The following SPATA16 variants were observed in gnomAD, a reference collection of about 807,000 sequenced individuals.
SPATA16 encodes the protein spermatogenesis associated 16, also known as spermatogenesis-associated protein 16.
SPATA16 carries 36 observed loss-of-function variants against 63.3 expected under a neutral mutation model. The observed-to-expected ratio is 0.57, with a 90% CI of 0.44 to 0.75. The LOEUF (loss-of-function observed/expected upper bound fraction) is 0.75, where lower values mean the gene tolerates loss of function less well. Among genes scored for constraint, SPATA16 ranks in the 30% least tolerant of loss-of-function variants. The pLI is 0.00. For missense variants in SPATA16, 646 were observed against 679.3 expected (o/e 0.95, Z 0.54); for synonymous variants, 203 against 216.7 (o/e 0.94, Z 0.56).
chr3:173,068,395 GT>G (rs1377720085), intron 2 of SPATA16, among the ~76,000 whole-genome samples: 1 of 152,062 alleles, frequency 6.6e-6, no homozygotes, highest in Non-Finnish European at 1.5e-5. Context: ...TTGCTTCTTT[GT>G]TTTTTCTTTT....
intron 2 of SPATA16, among the ~76,000 whole-genome samples, chr3:173,088,078 C>CTT (rs1205350840): frequency 4.1e-5 from 3 of 73,918 alleles, no homozygotes; most frequent in Non-Finnish European, 5.7e-5. Context: ...TTCTTTCTTT[C>CTT]TGTCTTTTCT....
Position 172,949,335 on chromosome 3 carries a change from A to G in SPATA16, c.1081+7342T>C, listed in dbSNP as rs140155671. On this transcript the variant is annotated intron_variant, in intron 6 of 10. Coordinates refer to ENST00000351008, the MANE Select transcript of SPATA16 (RefSeq NM_031955.6). ...TCATCAAGAAAATGCTAATGCTCGTAAGGTGTAGGTTAATTGCGAGCCAAG... is the reference window on the plus strand; with the variant it reads ...TCATCAAGAAAATGCTAATGCTCGTGAGGTGTAGGTTAATTGCGAGCCAAG... 9.3e-4 allele frequency among the ~76,000 whole-genome samples: 141 copies of G among 152,314 alleles called. 1 individual carries two copies. Among genetic ancestry groups the G allele is most frequent in the African/African-American group, 3.1e-3 (128 of 41,564 alleles).
intron 1 of SPATA16, among the ~76,000 whole-genome samples, chr3:173,135,108 AAAG>A (rs1342380218): frequency 3.9e-5 from 6 of 152,374 alleles, no homozygotes; most frequent in Middle Eastern, 3.4e-3. Flanking sequence ...GAGTTCTGTG[AAAG>A]AAGACAGAAG....
intron 5 of SPATA16, among the ~76,000 whole-genome samples, chr3:172,960,318 A>G (rs1032070896): frequency 2.0e-5 from 3 of 152,208 alleles, no homozygotes; most frequent in African/African-American, 7.2e-5. Flanking sequence ...TGTGCAGAAA[A>G]TGGAGAAAAC....
intron 5 of SPATA16, among the ~76,000 whole-genome samples, chr3:172,969,724 C>T (rs1003930826): frequency 1.3e-5 from 2 of 152,128 alleles, no homozygotes; most frequent in African/African-American, 4.8e-5. Flanking sequence ...CTTGTTGCAA[C>T]GTCATCTCCA....
chr3:173,041,537 AT>A (rs1436916989), intron 3 of SPATA16, among the ~76,000 whole-genome samples: 1 of 152,206 alleles, frequency 6.6e-6, no homozygotes, highest in African/African-American at 2.4e-5. Context: ...GTAAGATTAC[AT>A]CCTTTCCTTT....
chr3:172,929,530 A>G (rs1225433724), intron 6 of SPATA16, among the ~76,000 whole-genome samples: 4 of 152,012 alleles, frequency 2.6e-5, no homozygotes. Context: ...TCTCCTTAAA[A>G]ATCATCTTCC....
chr3:172,941,269 A>G (rs972850894), intron 6 of SPATA16, among the ~76,000 whole-genome samples: 5 of 152,228 alleles, frequency 3.3e-5, no homozygotes, highest in African/African-American at 9.6e-5. Flanking sequence ...GAGAGAATAG[A>G]AAGAATCAGG....
intron 6 of SPATA16, among the ~76,000 whole-genome samples, chr3:172,933,151 A>G (rs778558222): frequency 6.6e-6 from 1 of 152,240 alleles, no homozygotes; most frequent in African/African-American, 2.4e-5. Context: ...AACATTAAAG[A>G]TATTAAATAC....
chr3:173,093,042 C>A (rs1278444319), intron 2 of SPATA16, among the ~76,000 whole-genome samples: 1 of 71,374 alleles, frequency 1.4e-5, no homozygotes, highest in Admixed American at 1.6e-4. Context: ...GCACCTAAAA[C>A]ACACACACAC....
intron 3 of SPATA16, among the ~76,000 whole-genome samples, chr3:173,029,626 C>A (rs1735554679): frequency 6.6e-6 from 1 of 151,922 alleles, no homozygotes; most frequent in Non-Finnish European, 1.5e-5. Context: ...GTACACCTGG[C>A]AAGGCAGTAA....
At chr3:172,946,179 A>T (rs1015663248) in intron 6 of SPATA16, among the ~76,000 whole-genome samples, 3 of 152,192 alleles carry the variant, frequency 2.0e-5, no homozygotes, top group Admixed American at 6.5e-5. Flanking sequence ...ATTAAAGAGC[A>T]CTTTGGCCTT....
intron 4 of SPATA16, among the ~76,000 whole-genome samples, chr3:173,013,998 T>C (rs1735126898): frequency 2.0e-5 from 3 of 152,196 alleles, no homozygotes; most frequent in African/African-American, 7.2e-5. Flanking sequence ...TTTCTCTTTC[T>C]TTTTAATTTT....
rs1395709473 is a variant in SPATA16, at chr3:173,133,843, G to A, written c.-19+7260C>T. Reference sequence around the variant, plus strand: ...AACATAGGAGCTCTGTGTAACATAAGCCACAAACTTGGCTTAATAGACATA... The same window carrying A: ...AACATAGGAGCTCTGTGTAACATAAACCACAAACTTGGCTTAATAGACATA... On this transcript the variant is annotated intron_variant, in intron 1 of 10. Coordinates refer to ENST00000351008, the MANE Select transcript of SPATA16 (RefSeq NM_031955.6). Among the ~76,000 whole-genome samples the A allele has an allele frequency of 3.3e-5, 5 of 152,106 alleles. 1 individual carries two copies. Among genetic ancestry groups the A allele is most frequent in the African/African-American group, 7.2e-5 (3 of 41,402 alleles).
intron 10 of SPATA16, among the ~76,000 whole-genome samples, chr3:172,897,974 C>A (rs926069796): frequency 2.0e-5 from 3 of 151,898 alleles, no homozygotes; most frequent in Non-Finnish European, 4.4e-5. Flanking sequence ...AAATGAGTGT[C>A]AATTTTGTCC....
At chr3:172,983,453 T>C (rs1175374264) in intron 4 of SPATA16, among the ~76,000 whole-genome samples, 1 of 152,092 alleles carries the variant, frequency 6.6e-6, no homozygotes, top group Non-Finnish European at 1.5e-5. Flanking sequence ...TCTGTGATCT[T>C]TATATGCACC....
At chr3:173,045,312 A>G (rs1735932087) in intron 3 of SPATA16, among the ~76,000 whole-genome samples, 1 of 152,108 alleles carries the variant, frequency 6.6e-6, no homozygotes, top group African/African-American at 2.4e-5. Context: ...AAACCGAACA[A>G]AAAGCTGAGA....
intron 10 of SPATA16, among the ~76,000 whole-genome samples, chr3:172,890,645 C>T (rs1391220961): frequency 6.6e-6 from 1 of 151,558 alleles, no homozygotes; most frequent in Non-Finnish European, 1.5e-5. Context: ...GAGTAATATC[C>T]AAAGGATAAT....
At chr3:172,956,953 G>A in intron 5 of SPATA16, 129 bp from the exon 6 acceptor site, 7 of 1,157,154 alleles carry the variant, frequency 6.0e-6, no homozygotes, top group Non-Finnish European at 8.5e-6. Context: ...AACATATTTT[G>A]GTCTTGAATA....
Sources: gnomAD v4.1 joint callset for allele counts (sites outside exome capture counted in the v4.1 genomes callset) on GRCh38, gnomAD v4.1.1 for gene constraint, MANE v1.5 for transcripts, NCBI Gene and HGNC (gene_info 2026-07-23, HGNC 2026-07-21) for gene names.